Variants in TEX14 observed in about 807,000 individuals in gnomAD.
The protein encoded by TEX14 is inactive serine/threonine-protein kinase TEX14.
In TEX14, 168 loss-of-function variants were observed where a neutral mutation model predicts 178.6. The ratio of observed to expected loss-of-function variants is 0.94; its 90% CI spans 0.83 to 1.07. The LOEUF is 1.07. Ranked by LOEUF, TEX14 falls within the 50% of genes least tolerant of loss-of-function variation. The pLI, the probability that TEX14 is intolerant of heterozygous loss-of-function variation, is 0.00. For synonymous variants in TEX14, 626 were observed against 634.1 expected, an observed-to-expected ratio of 0.99 and a Z score of 0.19; for missense variants, 1,730 against 1,753.6, an observed-to-expected ratio of 0.99 and a Z score of 0.24.
chr17:58,579,033 A>G (rs1408174710), intron 20 of TEX14, among the ~76,000 whole-genome samples: 1 of 152,246 alleles, frequency 6.6e-6, no homozygotes, highest in Non-Finnish European at 1.5e-5. Context: ...AATGTAACAA[A>G]GCCAACAGTT....
intron 24 of TEX14, 88 bp downstream of exon 24, chr17:58,571,833 A>T: frequency 8.6e-7 from 1 of 1,164,784 alleles, no homozygotes. Context: ...TTGCTTTCTT[A>T]ATGAATTTGG....
chr17:58,563,739 TCATA>T (rs2044337090), intron 28 of TEX14, among the ~76,000 whole-genome samples: 1 of 117,082 alleles, frequency 8.5e-6, no homozygotes, highest in African/African-American at 3.3e-5. Context: ...TAGAGAGAGA[TCATA>T]CATATATATG....
intron 2 of TEX14, among the ~76,000 whole-genome samples, chr17:58,640,039 G>A (rs941050319): frequency 3.3e-5 from 5 of 152,102 alleles, no homozygotes; most frequent in Non-Finnish European, 7.3e-5. Flanking sequence ...GGCCAATCAC[G>A]GTGGCTCAGT....
intron 21 of TEX14, among the ~76,000 whole-genome samples, chr17:58,574,771 T>C (rs2044636758): frequency 6.6e-6 from 1 of 150,760 alleles, no homozygotes; most frequent in Non-Finnish European, 1.5e-5. Context: ...CATTTTTCTC[T>C]CCAGAGTTGA....
chr17:58,629,317 G>T (rs772057924), intron 3 of TEX14, among the ~76,000 whole-genome samples: 1 of 152,048 alleles, frequency 6.6e-6, no homozygotes, highest in Non-Finnish European at 1.5e-5. Context: ...AGCCAGGCCT[G>T]GTGGTGCCCA....
At chr17:58,568,842 C>T (rs535260209) in intron 26 of TEX14, among the ~76,000 whole-genome samples, 94 of 152,248 alleles carry the variant, frequency 6.2e-4, no homozygotes, top group African/African-American at 2.2e-3. Flanking sequence ...GACCTCAGGC[C>T]TCAAAGGAAT....
At chr17:58,605,204 T>G in intron 10 of TEX14, 75 bp from the exon 11 acceptor site, 3 of 1,503,978 alleles carry the variant, frequency 2.0e-6, no homozygotes, top group Non-Finnish European at 2.7e-6. Context: ...CATTCATTCT[T>G]TCATTCATTC....
chr17:58,670,771 T>TCAAAAAAAAAAAAAAAAAAAAAAAAA lies in TEX14; in HGVS notation c.-1-18770_-1-18769insTTTTTTTTTTTTTTTTTTTTTTTTTG, dbSNP rs1598432610. Reference sequence around the variant, plus strand: ...CTGGGCGACAGAGTGAGACTCCCTCTTAAAAAAAAAAAAAAAAAAAAAAAA... The same window carrying TCAAAAAAAAAAAAAAAAAAAAAAAAA: ...CTGGGCGACAGAGTGAGACTCCCTCTCAAAAAAAAAAAAAAAAAAAAAAAAATAAAAAAAAAAAAAAAAAAAAAAAA... On this transcript the variant is annotated intron_variant, in intron 1 of 31. Coordinates refer to ENST00000349033, the MANE Select transcript of TEX14 (RefSeq NM_031272.5). 2.5e-4 allele frequency among the ~76,000 whole-genome samples: 2 copies of TCAAAAAAAAAAAAAAAAAAAAAAAAA among 7,956 alleles called. 1 individual carries two copies. The highest frequency in any genetic ancestry group is 4.5e-4 in the Non-Finnish European group (2 of 4,404). 5.2% of individuals were successfully genotyped at this position (7,956 alleles called of 152,430 possible).
intron 15 of TEX14, among the ~76,000 whole-genome samples, chr17:58,591,181 G>A (rs1457026909): frequency 5.9e-5 from 9 of 152,182 alleles, no homozygotes; most frequent in African/African-American, 2.2e-4. Flanking sequence ...ATGCCAGCTA[G>A]GTAGTTCTTC....
Position 58,576,061 on chromosome 17 carries a change from T to C in TEX14, c.3320+1314A>G, listed in dbSNP as rs570811187. 7.9e-5 allele frequency among the ~76,000 whole-genome samples: 12 copies of C among 152,332 alleles called. No individual in the cohort carries two copies. The East Asian group carries it at 2.3e-3, about 29-fold the overall frequency. ...TAGGAAATACTAGCTACAATAATTA[T>C]AATTAAGGAAACTGAGGCCCAGAGA... On this transcript the variant is annotated intron_variant, in intron 21 of 31. Transcript: ENST00000349033.
intron 1 of TEX14, chr17:58,661,798 T>C: frequency 2.0e-6 from 1 of 495,578 alleles, no homozygotes; most frequent in Non-Finnish European, 3.5e-6. Flanking sequence ...ACTCCGGGTC[T>C]TCGTCAAACT....
At chr17:58,659,326 T>C in intron 1 of TEX14, 1 of 982,662 alleles carries the variant, frequency 1.0e-6, no homozygotes, top group Non-Finnish European at 1.2e-6. Flanking sequence ...ATATTGCTAA[T>C]ACCTTACCAT....
intron 11 of TEX14, among the ~76,000 whole-genome samples, chr17:58,604,659 C>T (rs910234577): frequency 1.3e-4 from 19 of 150,616 alleles, no homozygotes; most frequent in Non-Finnish European, 3.0e-5. Context: ...CTCCCAGGTT[C>T]AAGTGATTTT....
intron 19 of TEX14, chr17:58,581,778 G>A (rs187313794): frequency 8.4e-5 from 134 of 1,594,192 alleles, no homozygotes; most frequent in South Asian, 2.1e-4. Context: ...TCATTGTAAC[G>A]AAATCCCTTT....
chr17:58,673,799 C>T (rs1218159875), intron 1 of TEX14, among the ~76,000 whole-genome samples: 2 of 151,992 alleles, frequency 1.3e-5, no homozygotes, highest in Non-Finnish European at 2.9e-5. Flanking sequence ...TCTCAAACTT[C>T]TTGGCTCAGG....
chr17:58,674,602 G>T (rs983201008), intron 1 of TEX14, among the ~76,000 whole-genome samples: 28 of 151,896 alleles, frequency 1.8e-4, no homozygotes, highest in African/African-American at 6.8e-4. Context: ...CCTGGGAGGC[G>T]GAGGTTGCAG....
chr17:58,579,901 C>G (rs2144392192), intron 19 of TEX14, among the ~76,000 whole-genome samples, 170 bp from the exon 20 acceptor site: 1 of 152,300 alleles, frequency 6.6e-6, no homozygotes, highest in Admixed American at 6.5e-5. Flanking sequence ...TTATTTGTAT[C>G]ATATGTCCTC....
intron 2 of TEX14, among the ~76,000 whole-genome samples, chr17:58,633,058 A>C (rs939321968): frequency 1.3e-5 from 2 of 152,098 alleles, no homozygotes. Flanking sequence ...TCCATCTCTC[A>C]AGTCTCATTC....
chr17:58,644,620 G>GT (rs2046652924), intron 2 of TEX14, among the ~76,000 whole-genome samples: 2 of 135,386 alleles, frequency 1.5e-5, no homozygotes, highest in Non-Finnish European at 3.1e-5. Flanking sequence ...GATTATAGGT[G>GT]TAAGCCACCG....
Sources: allele counts gnomAD v4.1 joint callset (sites outside exome capture counted in the v4.1 genomes callset), GRCh38; gene constraint gnomAD v4.1.1; transcripts MANE v1.5; gene names NCBI Gene and HGNC (gene_info 2026-07-23, HGNC 2026-07-21).